The following CDH12 variants were observed in gnomAD, a reference collection of about 807,000 sequenced individuals.
CDH12 encodes cadherin-12.
Under a neutral mutation model 74.1 loss-of-function variants are expected in CDH12, and 41 were observed. The ratio of observed to expected loss-of-function variants is 0.55; its 90% CI spans 0.43 to 0.72. CDH12 has a LOEUF of 0.72. CDH12 is among the 30% of genes least tolerant of loss of function. The probability of loss-of-function intolerance (pLI) is 0.00; values close to 1 mark genes in which losing one functional copy is unlikely to be tolerated. For missense variants in CDH12, 945 were observed against 977.2 expected (o/e 0.97, Z 0.44); for synonymous variants, 399 against 355.0 (o/e 1.12, Z -1.39).
intron 2 of CDH12, among the ~76,000 whole-genome samples, chr5:22,439,612 T>C (rs1744541363): frequency 6.6e-6 from 1 of 152,092 alleles, no homozygotes; most frequent in African/African-American, 2.4e-5. Context: ...TGTGGTATTC[T>C]TGAAATGAGT....
chr5:22,265,864 C>G (rs1753684025), intron 3 of CDH12, among the ~76,000 whole-genome samples: 1 of 151,878 alleles, frequency 6.6e-6, no homozygotes, highest in Admixed American at 6.6e-5. Flanking sequence ...CATTCAAACA[C>G]AGATGATTGG....
intron 1 of CDH12, among the ~76,000 whole-genome samples, chr5:22,765,496 C>A (rs1271729581): frequency 6.6e-6 from 1 of 151,784 alleles, no homozygotes; most frequent in Non-Finnish European, 1.5e-5. Context: ...ATTTGGAAGA[C>A]CTGGAGTCCC....
rs1320285562 is a variant in CDH12 at position 22,242,906 on chromosome 5, G to A, written c.-332-30263C>T. ...CTTCTTTTCTCTCCAGTTTTGTTTCGTGTTGTAGATGCTTTCCGCTTCAGG... is the reference window on the plus strand; with the variant it reads ...CTTCTTTTCTCTCCAGTTTTGTTTCATGTTGTAGATGCTTTCCGCTTCAGG... On this transcript the variant is annotated intron_variant, in intron 3 of 14. Coordinates refer to ENST00000382254, the MANE Select transcript of CDH12 (RefSeq NM_004061.5). Among the ~76,000 whole-genome samples, 8 of 151,386 alleles carry A rather than the reference G, an allele frequency of 5.3e-5. No individual in the cohort carries two copies. The East Asian group carries it at 7.7e-4, about 15-fold the overall frequency.
At chr5:22,612,141 T>TA (rs1201989504) in intron 1 of CDH12, among the ~76,000 whole-genome samples, 1 of 152,166 alleles carries the variant, frequency 6.6e-6, no homozygotes, top group Non-Finnish European at 1.5e-5. Flanking sequence ...GCCATGTTTT[T>TA]ATAAATGATC....
intron 4 of CDH12, among the ~76,000 whole-genome samples, chr5:22,176,156 A>T (rs1178395888): frequency 6.6e-6 from 1 of 151,908 alleles, no homozygotes; most frequent in African/African-American, 2.4e-5. Flanking sequence ...TCGGGGTATT[A>T]GGGTGTGAAT....
At chr5:22,524,671 G>A (rs1737190969) in intron 1 of CDH12, among the ~76,000 whole-genome samples, 1 of 152,142 alleles carries the variant, frequency 6.6e-6, no homozygotes, top group South Asian at 2.1e-4. Context: ...AATAGACCAT[G>A]CTACATATAT....
chr5:22,306,381 G>GGAGA (rs35900801), intron 3 of CDH12, among the ~76,000 whole-genome samples: 13 of 150,330 alleles, frequency 8.6e-5, no homozygotes, highest in African/African-American at 2.7e-4. Context: ...GGGAGGGAAG[G>GGAGA]GAGAGAGAGA....
intron 11 of CDH12, among the ~76,000 whole-genome samples, chr5:21,770,521 G>A (rs1745263041): frequency 6.6e-6 from 1 of 151,888 alleles, no homozygotes; most frequent in African/African-American, 2.4e-5. Flanking sequence ...CTACTCGGGA[G>A]GCAGGAGAAT....
intron 2 of CDH12, among the ~76,000 whole-genome samples, chr5:22,414,312 C>T (rs1743292265): frequency 6.6e-6 from 1 of 151,818 alleles, no homozygotes; most frequent in African/African-American, 2.4e-5. Flanking sequence ...TGATGTTAAC[C>T]TCTATCAATT....
At chr5:22,419,469 G>T (rs1743541671) in intron 2 of CDH12, among the ~76,000 whole-genome samples, 2 of 152,084 alleles carry the variant, frequency 1.3e-5, no homozygotes, top group African/African-American at 4.8e-5. Context: ...CCATGTCCCT[G>T]CCAAGGTCAT....
At chr5:22,580,586 C>T (rs1740038567) in intron 1 of CDH12, 2 of 474,406 alleles carry the variant, frequency 4.2e-6, no homozygotes, top group Non-Finnish European at 8.6e-6. Context: ...ACTCCATAAA[C>T]TTTTGGATTT....
chr5:22,737,833 A>C (rs1744821115), intron 1 of CDH12, among the ~76,000 whole-genome samples: 1 of 152,088 alleles, frequency 6.6e-6, no homozygotes, highest in African/African-American at 2.4e-5. Context: ...ACATGGATTC[A>C]TTTAGCAATT....
chr5:21,890,171 G>C (rs967131966), intron 6 of CDH12, among the ~76,000 whole-genome samples: 12 of 151,982 alleles, frequency 7.9e-5, no homozygotes, highest in Non-Finnish European at 5.9e-5. Flanking sequence ...TCTTTCTTTT[G>C]TCAGGATCTT....
chr5:22,576,009 G>A (rs1238750576), intron 1 of CDH12, among the ~76,000 whole-genome samples: 4 of 152,000 alleles, frequency 2.6e-5, no homozygotes, highest in African/African-American at 9.7e-5. Context: ...ACCACCGCAT[G>A]AGCCACCAAG....
At chr5:22,517,804 T>C (rs1736870348) in intron 1 of CDH12, among the ~76,000 whole-genome samples, 1 of 152,182 alleles carries the variant, frequency 6.6e-6, no homozygotes, top group Non-Finnish European at 1.5e-5. Flanking sequence ...CTGTCTTTTG[T>C]TTCTCTATTC....
chr5:22,772,353 C>T (rs184479202), intron 1 of CDH12, among the ~76,000 whole-genome samples: 181 of 151,902 alleles, frequency 1.2e-3, no homozygotes, highest in Admixed American at 5.0e-3. Flanking sequence ...AGAATGATGT[C>T]GGTTCAAAGA....
rs189285773 is a variant in CDH12, at chr5:22,671,489, A to G, written c.-522-166125T>C. 1.0e-3 allele frequency among the ~76,000 whole-genome samples: 159 copies of G among 152,256 alleles called. 1 individual carries two copies. Among genetic ancestry groups the G allele is most frequent in the Middle Eastern group, 3.4e-3 (1 of 294 alleles). ...TTGTGGGGATAGTCCTGCTTAGTGTAAAATATTTAGCAGCATCACTGACTT... is the reference window on the plus strand; with the variant it reads ...TTGTGGGGATAGTCCTGCTTAGTGTGAAATATTTAGCAGCATCACTGACTT... On this transcript the variant is annotated intron_variant, in intron 1 of 14. Transcript: ENST00000382254.
intron 1 of CDH12, among the ~76,000 whole-genome samples, chr5:22,719,466 T>C (rs1391586369): frequency 6.6e-6 from 1 of 152,074 alleles, no homozygotes; most frequent in Non-Finnish European, 1.5e-5. Flanking sequence ...CCTAGTGAAG[T>C]AAAGTTAATG....
intron 3 of CDH12, among the ~76,000 whole-genome samples, chr5:22,276,740 G>A (rs896545840): frequency 2.6e-5 from 4 of 152,048 alleles, no homozygotes; most frequent in Admixed American, 6.5e-5. Flanking sequence ...AGGCTGGAGC[G>A]CAGTGGCGCG....
Sources: gnomAD v4.1 joint callset for allele counts (sites outside exome capture counted in the v4.1 genomes callset) on GRCh38, gnomAD v4.1.1 for gene constraint, MANE v1.5 for transcripts, NCBI Gene and HGNC (gene_info 2026-07-23, HGNC 2026-07-21) for gene names.